The following DEPDC1B variants were observed in gnomAD, a reference collection of about 807,000 sequenced individuals.
DEPDC1B encodes the protein DEP domain containing 1B, also known as DEP domain-containing protein 1B.
In DEPDC1B, 51 loss-of-function variants were observed where a neutral mutation model predicts 66.5. That is an observed-to-expected ratio of 0.77 (90% CI 0.61 to 0.97). The LOEUF is 0.97. Ranked by LOEUF, DEPDC1B falls within the 50% of genes least tolerant of loss-of-function variation. The pLI is 0.00. For missense variants in DEPDC1B, 552 were observed against 637.1 expected (o/e 0.87, Z 1.44); for synonymous variants, 226 against 223.6 (o/e 1.01, Z -0.10).
intron 2 of DEPDC1B, among the ~76,000 whole-genome samples, chr5:60,652,892 A>G (rs1753488249): frequency 1.3e-5 from 2 of 149,380 alleles, no homozygotes; most frequent in Non-Finnish European, 2.9e-5. Context: ...ACTTAGAATA[A>G]TGGTCTCCAA....
intron 3 of DEPDC1B, 54 bp downstream of exon 3, chr5:60,647,344 C>T: frequency 6.5e-7 from 1 of 1,536,964 alleles, no homozygotes; most frequent in Non-Finnish European, 8.7e-7. Context: ...CCTAGGAGTT[C>T]ATGGATGATT....
intron 4 of DEPDC1B, 86 bp from the exon 5 acceptor site, chr5:60,644,961 A>T: frequency 9.2e-7 from 1 of 1,091,926 alleles, no homozygotes. Flanking sequence ...ATCAATCTTT[A>T]TAATGCTTTA....
rs1335313755 is a variant in DEPDC1B, at chr5:60,675,910, TTTTTTTTGTTTTTTG to T, written c.314+11037_314+11051del. ...CTTCTCTGTTTCTTTTTTCTTTTTT[TTTTTTTTGTTTTTTG>T]TTTTTTTGTTTTTTGTTTTGAGAGG... On this transcript the variant is annotated intron_variant, in intron 2 of 10. Coordinates refer to ENST00000265036, the MANE Select transcript of DEPDC1B (RefSeq NM_018369.3). Among the ~76,000 whole-genome samples the T allele has an allele frequency of 7.7e-4, 117 of 151,942 alleles. 2 individuals carry two copies. Among genetic ancestry groups the T allele is most frequent in the South Asian group, 5.4e-3 (26 of 4,802 alleles).
At chr5:60,635,637 A>G (rs1394023236) in intron 7 of DEPDC1B, among the ~76,000 whole-genome samples, 2 of 152,218 alleles carry the variant, frequency 1.3e-5, no homozygotes, top group African/African-American at 4.8e-5. Flanking sequence ...TCTGAGAAGC[A>G]TGAGGAGTAT....
At position 60,645,508 on chromosome 5, in the gene DEPDC1B, ACTTCCATAT is replaced by A; in HGVS notation, c.553_561del (p.Ile185_Lys187del). 4 of 1,610,102 alleles carry A rather than the reference ACTTCCATAT, an allele frequency of 2.5e-6. No individual in the cohort carries two copies. The highest frequency in any genetic ancestry group is 3.4e-6 in the Non-Finnish European group (4 of 1,178,438). The stretch of plus-strand genomic sequence containing the variant: ...TGTACATACTATGATAATGTCATAG[ACTTCCATAT>A]CTCTTCTACATTGGCCTCTGTCAGC... On this transcript the variant is annotated inframe_deletion, in exon 4 of 11. Transcript: ENST00000265036.
At chr5:60,643,891 T>C (rs7732792) in intron 5 of DEPDC1B, among the ~76,000 whole-genome samples, 17,428 of 152,216 alleles carry the variant, frequency 0.11, 1,038 homozygotes, top group Middle Eastern at 0.14. Context: ...TCAGGAAACA[T>C]GGCATAGAAA....
rs563667888 is a variant in DEPDC1B, at chr5:60,656,261, C to T, written c.315-8728G>A. 1.6e-4 allele frequency among the ~76,000 whole-genome samples: 24 copies of T among 151,294 alleles called. No homozygotes were observed. In the South Asian group the frequency reaches 2.1e-3, roughly 13 times the overall value. ...CTACAAGCTCCGCCTCCTGGGTTCA[C>T]GCCATTCTCCTGCCTCAGCCTCCCG... is the stretch of plus-strand genomic sequence containing the variant. On this transcript the variant is annotated intron_variant, in intron 2 of 10. Transcript: ENST00000265036.
At chr5:60,641,349 CTTTT>C (rs11326495) in intron 6 of DEPDC1B, among the ~76,000 whole-genome samples, 4 of 128,616 alleles carry the variant, frequency 3.1e-5, no homozygotes, top group Non-Finnish European at 3.4e-5. Flanking sequence ...TGATCAACTT[CTTTT>C]TTTTTTTTTT....
chr5:60,619,540 T>C (rs1441825878), intron 7 of DEPDC1B, among the ~76,000 whole-genome samples: 4 of 152,146 alleles, frequency 2.6e-5, no homozygotes, highest in African/African-American at 9.7e-5. Flanking sequence ...CCATTCACAA[T>C]TGCTTCAAAC....
At chr5:60,612,766 T>C (rs1034104724) in intron 7 of DEPDC1B, among the ~76,000 whole-genome samples, 32 of 150,970 alleles carry the variant, frequency 2.1e-4, no homozygotes, top group Admixed American at 4.0e-4. Context: ...AACTGGAGAT[T>C]GTTAGAAAAT....
At chr5:60,681,181 C>T (rs1225426920) in intron 2 of DEPDC1B, among the ~76,000 whole-genome samples, 1 of 152,150 alleles carries the variant, frequency 6.6e-6, no homozygotes, top group Non-Finnish European at 1.5e-5. Context: ...TTCAGACCAG[C>T]CCACCCAGGC....
rs1030313960 is a variant in DEPDC1B at position 60,605,783 on chromosome 5, C to T, written c.972G>A (p.Arg324=). 6.2e-7 allele frequency: 1 copy of T among 1,613,456 alleles called. No homozygotes were observed. Among genetic ancestry groups the T allele is most frequent in the East Asian group, 2.2e-5 (1 of 44,878 alleles). ...TCCTCATCAATAGCTGTAACTTTCT[C>T]CTATTTTCAGGAGGTAGGAGAAGGC... ...ICCLLLPPEN[R]RKLQLLMRMM... The change falls in exon 8 of 11, where the codon AGG becomes AGA. Residue 324 remains arginine (R), a synonymous_variant. Coordinates refer to ENST00000265036, the MANE Select transcript of DEPDC1B (RefSeq NM_018369.3).
chr5:60,652,952 G>T (rs1019713715), intron 2 of DEPDC1B, among the ~76,000 whole-genome samples: 1 of 149,150 alleles, frequency 6.7e-6, no homozygotes, highest in Non-Finnish European at 1.5e-5. Flanking sequence ...TTTTATGGTG[G>T]AGTAGTATTC....
chr5:60,679,735 A>G (rs915256268), intron 2 of DEPDC1B, among the ~76,000 whole-genome samples: 3 of 152,242 alleles, frequency 2.0e-5, no homozygotes, highest in African/African-American at 7.2e-5. Context: ...GGAGCCATGT[A>G]TAGGCTCCAT....
intron 7 of DEPDC1B, among the ~76,000 whole-genome samples, chr5:60,634,149 C>A (rs751755378): frequency 5.3e-5 from 8 of 152,126 alleles, no homozygotes; most frequent in Non-Finnish European, 8.8e-5. Context: ...GACCAGTACC[C>A]TTCTAAGAAT....
chr5:60,634,193 A>T (rs1752988419), intron 7 of DEPDC1B, among the ~76,000 whole-genome samples: 1 of 152,210 alleles, frequency 6.6e-6, no homozygotes, highest in African/African-American at 2.4e-5. Flanking sequence ...AGGGCCAAGA[A>T]GGAGGAAACA....
Position 60,603,551 on chromosome 5 carries a change from G to A in DEPDC1B, c.1082C>T (p.Ser361Phe), listed in dbSNP as rs199607798. 3.4e-5 allele frequency: 54 copies of A among 1,602,386 alleles called. No individual in the cohort carries two copies. The highest frequency in any genetic ancestry group is 4.3e-5 in the Non-Finnish European group (50 of 1,176,224). ...ATCCTTGGAACACAAGATGCAACGGGAAAATGTCTGAACCATCTAAAAAAA... is the reference window on the plus strand; with the variant it reads ...ATCCTTGGAACACAAGATGCAACGGAAAAATGTCTGAACCATCTAAAAAAA... Reference protein sequence around the residue: ...GTRTLMVQTFSRCILCSKDEV... With the variant: ...GTRTLMVQTFFRCILCSKDEV... The change falls in exon 9 of 11, where the codon TCC (serine) becomes TTC (phenylalanine). Residue 361 changes from serine (S) to phenylalanine (F), a missense_variant. By Grantham distance (155) the Ser-to-Phe change is radical. Transcript: ENST00000265036.
intron 2 of DEPDC1B, among the ~76,000 whole-genome samples, chr5:60,653,502 T>A (rs1390843000): frequency 1.3e-5 from 2 of 152,206 alleles, no homozygotes; most frequent in Non-Finnish European, 2.9e-5. Context: ...TGGATATTAG[T>A]CCTTTGTCAG....
chr5:60,657,307 G>A (rs1277453372), intron 2 of DEPDC1B, among the ~76,000 whole-genome samples: 1 of 152,140 alleles, frequency 6.6e-6, no homozygotes, highest in Non-Finnish European at 1.5e-5. Context: ...TTAGTACTGA[G>A]AAGTGAGGTA....
Sources: allele counts gnomAD v4.1 joint callset (sites outside exome capture counted in the v4.1 genomes callset), GRCh38; gene constraint gnomAD v4.1.1; transcripts MANE v1.5; gene names NCBI Gene and HGNC (gene_info 2026-07-23, HGNC 2026-07-21).